Variants in XRCC4 observed in about 807,000 individuals in gnomAD.
XRCC4 encodes X-ray repair cross complementing 4.
A neutral mutation model predicts 39.1 loss-of-function variants in XRCC4; 28 were observed. The ratio of observed to expected loss-of-function variants is 0.72; its 90% CI spans 0.53 to 0.98. XRCC4 has a LOEUF of 0.98. XRCC4 is among the 50% of genes least tolerant of loss of function. The probability of loss-of-function intolerance (pLI) is 0.00; values close to 1 mark genes in which losing one functional copy is unlikely to be tolerated. For missense variants in XRCC4, 350 were observed against 376.4 expected (o/e 0.93, Z 0.58); for synonymous variants, 123 against 126.4 (o/e 0.97, Z 0.18).
chr5:83,286,649 C>G (rs1456948749), intron 7 of XRCC4, among the ~76,000 whole-genome samples: 1 of 152,086 alleles, frequency 6.6e-6, no homozygotes, highest in East Asian at 1.9e-4. Flanking sequence ...TGAAAGTCAA[C>G]TGATTGAATA....
chr5:83,309,296 A>AAATATATATATAT, intron 7 of XRCC4, among the ~76,000 whole-genome samples: 1 of 72,232 alleles, frequency 1.4e-5, no homozygotes, highest in Non-Finnish European at 2.1e-5. Context: ...AAAAAAAAAA[A>AAATATATATATAT]ATATATATAT....
chr5:83,235,940 A>G (rs1294589111), intron 6 of XRCC4, among the ~76,000 whole-genome samples: 1 of 152,146 alleles, frequency 6.6e-6, no homozygotes, highest in East Asian at 1.9e-4. Flanking sequence ...AGATCTAAAA[A>G]AGAAACCATG....
At chr5:83,284,104 C>T (rs1181730020) in intron 7 of XRCC4, among the ~76,000 whole-genome samples, 2 of 83,712 alleles carry the variant, frequency 2.4e-5, no homozygotes, top group African/African-American at 9.4e-5. Context: ...GAAAGGTAAT[C>T]AAATACATAA....
At chr5:83,133,860 GC>G (rs1392999601) in intron 3 of XRCC4, among the ~76,000 whole-genome samples, 1 of 152,204 alleles carries the variant, frequency 6.6e-6, no homozygotes, top group Non-Finnish European at 1.5e-5. Context: ...CACTTGAGGA[GC>G]CCTTCAGGCC....
intron 5 of XRCC4, among the ~76,000 whole-genome samples, 157 bp from the exon 6 acceptor site, chr5:83,204,658 T>G (rs1751346564): frequency 6.6e-6 from 1 of 152,106 alleles, no homozygotes; most frequent in Non-Finnish European, 1.5e-5. Flanking sequence ...AATATATAGG[T>G]TTTAAGATGC....
At chr5:83,095,989 G>A (rs1357327792) in intron 1 of XRCC4, among the ~76,000 whole-genome samples, 1 of 151,958 alleles carries the variant, frequency 6.6e-6, no homozygotes, top group African/African-American at 2.4e-5. Context: ...AGACTTACAC[G>A]AATCCCAGAA....
intron 7 of XRCC4, among the ~76,000 whole-genome samples, chr5:83,314,933 A>C (rs1755828431): frequency 6.6e-6 from 1 of 152,134 alleles, no homozygotes; most frequent in South Asian, 2.1e-4. Context: ...AGATGAAAGG[A>C]AGAGTTGCAC....
At chr5:83,194,164 G>A (rs191600772) in intron 3 of XRCC4, among the ~76,000 whole-genome samples, 9 of 152,198 alleles carry the variant, frequency 5.9e-5, no homozygotes, top group Non-Finnish European at 8.8e-5. Context: ...GGCAGGTTTC[G>A]AACTCCTGAC....
At chr5:83,099,497 A>G (rs1026558972) in intron 1 of XRCC4, among the ~76,000 whole-genome samples, 7 of 152,210 alleles carry the variant, frequency 4.6e-5, no homozygotes, top group African/African-American at 7.2e-5. Flanking sequence ...TTTATTCAGA[A>G]GCAACTGTGA....
chr5:83,210,840 C>T (rs1561406696), intron 6 of XRCC4, among the ~76,000 whole-genome samples: 1 of 152,144 alleles, frequency 6.6e-6, no homozygotes, highest in Non-Finnish European at 1.5e-5. Context: ...CAGATTTTGA[C>T]TTAGTATTTA....
intron 3 of XRCC4, 72 bp from the exon 4 acceptor site, chr5:83,195,698 G>T: frequency 7.5e-7 from 1 of 1,335,896 alleles, no homozygotes; most frequent in Non-Finnish European, 1.0e-6. Flanking sequence ...AGAAGAAATT[G>T]TGTATGCTTA....
At chr5:83,356,764 G>A (rs1212699582), downstream of XRCC4, 5 of 453,960 alleles carry the variant, frequency 1.1e-5, no homozygotes, top group Non-Finnish European at 2.2e-5. Context: ...GAAATGGAAG[G>A]CACAGAAATT....
chr5:83,315,227 C>CTCTCATCAAT (rs1424898812), intron 7 of XRCC4, among the ~76,000 whole-genome samples: 1 of 152,104 alleles, frequency 6.6e-6, no homozygotes, highest in Non-Finnish European at 1.5e-5. Flanking sequence ...AAGGCCCTAA[C>CTCTCATCAAT]TCTCATCAAT....
rs777300742 is a variant in XRCC4 at position 83,203,599 on chromosome 5, A to G, written c.530A>G (p.Tyr177Cys). ...AAGGAAGCTTTGGAGACTGATCTTTATAAGCGGTTTATTCTGGTGTTGAAT... is the reference window on the plus strand; with the variant it reads ...AAGGAAGCTTTGGAGACTGATCTTTGTAAGCGGTTTATTCTGGTGTTGAAT... ...SAKEALETDLYKRFILVLNEK... is the reference protein window; with the variant it reads ...SAKEALETDLCKRFILVLNEK... Residue 177 changes from tyrosine to cysteine, a missense_variant, in exon 5 of 8, where the codon TAT becomes TGT. Transcript: ENST00000396027. The G allele has an allele frequency of 3.7e-6, 6 of 1,609,018 alleles. No homozygotes were observed. Among genetic ancestry groups the G allele is most frequent in the East Asian group, 2.2e-5 (1 of 44,726 alleles).
chr5:83,368,603 T>C, the XRCC4 span, among the ~76,000 whole-genome samples: 1 of 152,334 alleles, frequency 6.6e-6, no homozygotes, highest in South Asian at 2.1e-4. Context: ...TGGGCTCCCC[T>C]GGTGCAAGGC....
In XRCC4 at chr5:83,155,798, A is replaced by T. The variant is rs188379907; in HGVS notation, c.316-39972A>T. On this transcript the variant is annotated intron_variant, in intron 3 of 7. Coordinates refer to ENST00000396027, the MANE Select transcript of XRCC4 (RefSeq NM_003401.5). ...GACAAAACCTAAAAAAACTGTATTT[A>T]AAAGAATGATTTCTTTCAAAAATAA... Among the ~76,000 whole-genome samples, 5 of 152,286 alleles carry T rather than the reference A, an allele frequency of 3.3e-5. No homozygotes were observed. The East Asian group carries it at 9.6e-4, about 29-fold the overall frequency.
intron 6 of XRCC4, among the ~76,000 whole-genome samples, chr5:83,216,958 T>C (rs1269312489): frequency 6.6e-6 from 1 of 152,050 alleles, no homozygotes; most frequent in African/African-American, 2.4e-5. Flanking sequence ...TGTTATGGTG[T>C]ATCAATTGTT....
In XRCC4 at chr5:83,163,492, A is replaced by C. The variant is rs574064185; in HGVS notation, c.316-32278A>C. ...TATTGGACACATAGCTGTAAATTGC[A>C]TGTCTGTTGACAGAGCACTGTAAAC... is the stretch of plus-strand genomic sequence containing the variant. On this transcript the variant is annotated intron_variant, in intron 3 of 7. Coordinates refer to ENST00000396027, the MANE Select transcript of XRCC4 (RefSeq NM_003401.5). Among the ~76,000 whole-genome samples, 11 of 152,340 alleles carry C rather than the reference A, an allele frequency of 7.2e-5. No homozygotes were observed. The South Asian group carries it at 2.3e-3, about 32-fold the overall frequency.
chr5:83,130,715 G>A (rs1264236566), intron 3 of XRCC4, among the ~76,000 whole-genome samples: 4 of 152,132 alleles, frequency 2.6e-5, no homozygotes, highest in Non-Finnish European at 4.4e-5. Flanking sequence ...TATGTGTCGA[G>A]GAATTTATCC....
Sources: allele counts gnomAD v4.1 joint callset (sites outside exome capture counted in the v4.1 genomes callset), GRCh38; gene constraint gnomAD v4.1.1; transcripts MANE v1.5; gene names NCBI Gene and HGNC (gene_info 2026-07-23, HGNC 2026-07-21).